MIGA2: variants seen among roughly 807,000 people sequenced by gnomAD.
MIGA2 encodes mitoguardin 2, also known as family with sequence similarity 73, member B.
MIGA2 carries 36 observed loss-of-function variants against 69.9 expected under a neutral mutation model. The observed-to-expected ratio is 0.52, with a 90% CI of 0.39 to 0.68. The LOEUF is 0.68. MIGA2 is among the 30% of genes least tolerant of loss of function. The probability of loss-of-function intolerance (pLI) is 0.00; values close to 1 mark genes in which losing one functional copy is unlikely to be tolerated. For missense variants in MIGA2, 660 were observed against 787.7 expected (o/e 0.84, Z 1.94); for synonymous variants, 333 against 349.2 (o/e 0.95, Z 0.52).
chr9:129,050,814 G>T (rs892828925), intron 6 of MIGA2, among the ~76,000 whole-genome samples: 1 of 151,640 alleles, frequency 6.6e-6, no homozygotes, highest in Non-Finnish European at 1.5e-5. Flanking sequence ...CTCGTGATCC[G>T]CCTGCCTTGG....
At chr9:129,042,932 C>T (rs1049228702) in intron 3 of MIGA2, among the ~76,000 whole-genome samples, 5 of 152,170 alleles carry the variant, frequency 3.3e-5, no homozygotes, top group Non-Finnish European at 5.9e-5. Context: ...CGGTGGCTCA[C>T]GCCTGTAATC....
intron 11 of MIGA2, among the ~76,000 whole-genome samples, chr9:129,067,218 A>G (rs1466887348): frequency 6.6e-6 from 1 of 152,168 alleles, no homozygotes; most frequent in Non-Finnish European, 1.5e-5. Flanking sequence ...TACATCGTAA[A>G]TGCAGACCCA....
intron 1 of MIGA2, among the ~76,000 whole-genome samples, chr9:129,038,009 A>C (rs1263918395): frequency 6.6e-6 from 1 of 152,124 alleles, no homozygotes; most frequent in Non-Finnish European, 1.5e-5. Flanking sequence ...TCTGGCCTGG[A>C]ATAAGAGCTT....
chr9:129,046,717 A>G (rs1486502728), intron 3 of MIGA2, among the ~76,000 whole-genome samples: 1 of 151,772 alleles, frequency 6.6e-6, no homozygotes, highest in African/African-American at 2.4e-5. Context: ...AAAAGTTGGG[A>G]TTACAGGTGC....
intron 1 of MIGA2, among the ~76,000 whole-genome samples, chr9:129,040,038 C>G (rs1844814990): frequency 1.3e-5 from 2 of 152,226 alleles, no homozygotes; most frequent in South Asian, 4.1e-4. Context: ...AGCCACCGTG[C>G]CCAGCAAGAA....
intron 11 of MIGA2, among the ~76,000 whole-genome samples, chr9:129,066,655 C>CAA (rs1846361559): frequency 1.2e-5 from 1 of 85,240 alleles, no homozygotes; most frequent in African/African-American, 5.5e-5. Context: ...GCCTGGGCGA[C>CAA]CAAAAAAAAA....
Position 129,049,467 on chromosome 9 carries a change from C to T in MIGA2, c.507C>T (p.Ser169=), listed in dbSNP as rs780163302. Reference sequence around the variant, plus strand: ...GGATGGAGGAGTCTCTGACCACCAGCGACGGCAATGCAGAGAGCCTGTACA... The same window carrying T: ...GGATGGAGGAGTCTCTGACCACCAGTGACGGCAATGCAGAGAGCCTGTACA... The part of the protein sequence containing the change: ...ARGMEESLTT[S]DGNAESLYMQ... Residue 169 remains serine, a synonymous_variant, in exon 5 of 16, where the codon AGC becomes AGT. Coordinates refer to ENST00000684074, the MANE Select transcript of MIGA2 (RefSeq NM_001329990.2). 6.8e-6 allele frequency: 11 copies of T among 1,613,380 alleles called. 1 individual carries two copies. The African/African-American group carries it at 8.0e-5, about 12-fold the overall frequency.
chr9:129,056,750 C>T (rs1359915803), intron 6 of MIGA2, among the ~76,000 whole-genome samples: 2 of 148,520 alleles, frequency 1.3e-5, no homozygotes, highest in African/African-American at 2.6e-5. Context: ...AACTCCTGAC[C>T]TCAAGTGATC....
At chr9:129,064,613 C>G (rs1846243989) in intron 11 of MIGA2, among the ~76,000 whole-genome samples, 1 of 151,858 alleles carries the variant, frequency 6.6e-6, no homozygotes, top group Non-Finnish European at 1.5e-5. Flanking sequence ...CTACAACCCT[C>G]ACTTGCGCCT....
chr9:129,070,426 G>T lies in MIGA2; in HGVS notation c.1755G>T (p.Glu585Asp). ...GCGTGAATGGGGCGCTGCCCCGAGA[G>T]AATGGGCCCCTGGGGGAGCTGCAGT... Reference protein sequence around the residue: ...SAGVNGALPRENGPLGELQ With the variant: ...SAGVNGALPRDNGPLGELQ Residue 585 changes from glutamate to aspartate, a missense_variant, in exon 16 of 16, where the codon GAG (glutamate) becomes GAT (aspartate). By Grantham distance (45) the Glu-to-Asp change is conservative. This residue lies in a region of MIGA2 where 220 missense variants were observed against 301.7 expected (regional missense o/e 0.73). Transcript: ENST00000684074. The T allele has an allele frequency of 1.3e-6, 2 of 1,598,132 alleles. No individual in the cohort carries two copies. The highest frequency in any genetic ancestry group is 1.7e-6 in the Non-Finnish European group (2 of 1,170,332).
At chr9:129,063,484 C>T (rs914445654) in intron 10 of MIGA2, 61 bp from the exon 11 acceptor site, 8 of 1,591,674 alleles carry the variant, frequency 5.0e-6, no homozygotes, top group East Asian at 4.5e-5. Flanking sequence ...TGGCCCTCTC[C>T]GTGGGCTTTG....
intron 1 of MIGA2, chr9:129,039,728 TTTTGTTTGTTTG>T (rs36142631): frequency 2.3e-4 from 37 of 157,894 alleles, no homozygotes; most frequent in Admixed American, 9.8e-4. Context: ...CCAGCTAGTT[TTTTGTTTGTTTG>T]TTTGTTTGTT....
chr9:129,046,999 G>C (rs1458007351), intron 3 of MIGA2: 1 of 151,678 alleles, frequency 6.6e-6, no homozygotes, highest in Non-Finnish European at 1.5e-5. Context: ...GGCTGGTCTT[G>C]AACCCCTGAC....
rs1376768210 is a variant in MIGA2, at chr9:129,061,285, G to A, written c.949G>A (p.Ala317Thr). The part of the protein sequence containing the change: ...DYPIPLSRPA[A>T]AYEEALQLVK... Reference sequence around the variant, plus strand: ...CCCGATCCCACTCTCCAGACCCGCCGCTGCCTATGAGGAGGCCCTGCAGCT... The same window carrying A: ...CCCGATCCCACTCTCCAGACCCGCCACTGCCTATGAGGAGGCCCTGCAGCT... Residue 317 changes from alanine to threonine, a missense_variant, in exon 9 of 16, where the codon GCT (alanine) becomes ACT (threonine). By Grantham distance (58) the Ala-to-Thr change is moderately conservative. This residue lies in a region of MIGA2 where 386 missense variants were observed against 402.0 expected (regional missense o/e 0.96). Transcript: ENST00000684074. This position sits in a 1 kb window ranked among gnomAD's most constrained non-coding sequence, Gnocchi z 5.0. 4 of 1,613,060 alleles carry A rather than the reference G, an allele frequency of 2.5e-6. No homozygotes were observed. The highest frequency in any genetic ancestry group is 2.2e-5 in the East Asian group (1 of 44,874).
At chr9:129,044,459 C>G (rs1845101866) in intron 3 of MIGA2, among the ~76,000 whole-genome samples, 1 of 152,156 alleles carries the variant, frequency 6.6e-6, no homozygotes, top group Non-Finnish European at 1.5e-5. Flanking sequence ...TGTAAAAACT[C>G]TTACGGCTCC....
chr9:129,070,386 C>T lies in MIGA2; in HGVS notation c.1715C>T (p.Ala572Val), dbSNP rs201189064. Residue 572 changes from alanine to valine, a missense_variant, in exon 16 of 16, where the codon GCG becomes GTG. Transcript: ENST00000684074. ...TTGCTGGGGTACCTGGGGGTGCCCG[C>T]GGCCAGCAGCGCAGGCGTGAATGGG... ...EILLGYLGVP[A>V]ASSAGVNGAL... 1.6e-5 allele frequency: 25 copies of T among 1,611,988 alleles called. No homozygotes were observed. Among genetic ancestry groups the T allele is most frequent in the South Asian group, 1.2e-4 (11 of 90,944 alleles).
At chr9:129,057,906 C>T (rs537372026) in intron 6 of MIGA2, among the ~76,000 whole-genome samples, 1 of 152,170 alleles carries the variant, frequency 6.6e-6, no homozygotes, top group East Asian at 1.9e-4. Flanking sequence ...TCACCCGGTC[C>T]ATTTTTCTTC....
chr9:129,062,024 A>G (rs1338521896), intron 9 of MIGA2, among the ~76,000 whole-genome samples: 1 of 150,002 alleles, frequency 6.7e-6, no homozygotes, highest in Non-Finnish European at 1.5e-5. Flanking sequence ...TTATGATAAG[A>G]GACTGAGAAC....
intron 6 of MIGA2, among the ~76,000 whole-genome samples, chr9:129,057,734 T>A (rs887812554): frequency 3.9e-5 from 6 of 152,060 alleles, no homozygotes; most frequent in Non-Finnish European, 7.4e-5. Flanking sequence ...GCCTCCTGAG[T>A]AGCTGGGACT....
Sources: gnomAD v4.1 joint callset for allele counts (sites outside exome capture counted in the v4.1 genomes callset) on GRCh38, gnomAD v4.1.1 for gene constraint, gnomAD v4.1.1 regional missense constraint, Gnocchi (gnomAD v3.1) non-coding constraint, MANE v1.5 for transcripts, NCBI Gene and HGNC (gene_info 2026-07-23, HGNC 2026-07-21) for gene names.